ZNF723: variants seen among roughly 807,000 people sequenced by gnomAD.
The protein encoded by ZNF723 is zinc finger protein 723, also known as zinc finger protein 723, pseudogene.
Under a neutral mutation model 9.4 loss-of-function variants are expected in ZNF723, and 5 were observed. The ratio of observed to expected loss-of-function variants is 0.53; its 90% CI spans 0.28 to 1.12. The LOEUF (loss-of-function observed/expected upper bound fraction) is 1.12. ZNF723 is among the 50% of genes most tolerant of loss of function. The pLI, the probability that ZNF723 is intolerant of heterozygous loss-of-function variation, is 0.10. For missense variants in ZNF723, 450 were observed against 501.5 expected, an observed-to-expected ratio of 0.90 and a Z score of 0.98; for synonymous variants, 158 against 168.8, an observed-to-expected ratio of 0.94 and a Z score of 0.49.
chr19:22,833,285 TG>T (rs1967120828), intron 1 of ZNF723, among the ~76,000 whole-genome samples: 1 of 152,092 alleles, frequency 6.6e-6, no homozygotes, highest in Non-Finnish European at 1.5e-5. Flanking sequence ...CTTGAGTAGC[TG>T]GGATTACAGG....
In ZNF723 at chr19:22,858,041, C is replaced by T. The variant is rs959944768; in HGVS notation, c.1150C>T (p.Leu384Phe). 11 of 1,524,964 alleles carry T rather than the reference C, an allele frequency of 7.2e-6. No homozygotes were observed. The highest frequency in any genetic ancestry group is 8.2e-6 in the Non-Finnish European group (9 of 1,100,362). 94.5% of individuals were successfully genotyped at this position (1,524,964 alleles called of 1,614,324 possible). Residue 384 changes from leucine to phenylalanine, a missense_variant, in exon 4 of 4, where the codon CTT becomes TTT. Physicochemically the swap from Leu to Phe is conservative, Grantham distance 22 (BLOSUM62 0). Coordinates refer to ENST00000600766, the MANE Select transcript of ZNF723 (RefSeq NM_001349726.2). ...CAAAGCTTTTAAAGTATCTGTACAC[C>T]TTACTACACATAAGAGAATTCATAC... ...CGKAFKVSVH[L>F]TTHKRIHTGE...
chr19:22,815,808 TGTC>T, the ZNF723 span, among the ~76,000 whole-genome samples: 5,787 of 152,188 alleles, frequency 0.038, 333 homozygotes, highest in African/African-American at 0.13. Context: ...GTACAGAAAA[TGTC>T]ATCACAGGGC....
At chr19:22,826,316 A>G in the ZNF723 span, among the ~76,000 whole-genome samples, 1 of 152,222 alleles carries the variant, frequency 6.6e-6, no homozygotes, top group Admixed American at 6.5e-5. Flanking sequence ...TGCCCGGCTA[A>G]CAGGGATGAA....
At chr19:22,835,379 A>G (rs1385044151) in intron 1 of ZNF723, among the ~76,000 whole-genome samples, 2 of 151,712 alleles carry the variant, frequency 1.3e-5, no homozygotes, top group Admixed American at 1.3e-4. Flanking sequence ...TTGTTTGCTT[A>G]TATTGACTTC....
Position 22,858,622 on chromosome 19 carries a change from C to A in ZNF723, c.*189C>A. 2.4e-6 allele frequency: 1 copy of A among 412,310 alleles called. No homozygotes were observed. The highest frequency in any genetic ancestry group is 4.2e-6 in the Non-Finnish European group (1 of 235,506). 25.5% of individuals were successfully genotyped at this position (412,310 alleles called of 1,614,324 possible). On this transcript the variant is annotated 3_prime_UTR_variant, in exon 4 of 4. Coordinates refer to ENST00000600766, the MANE Select transcript of ZNF723 (RefSeq NM_001349726.2). ...CTACTAAAATACAAAAAAAATTAGC[C>A]GGGTGTAGTGGTGGGCGCCTGTAAT...
chr19:22,818,940 T>C, the ZNF723 span, among the ~76,000 whole-genome samples: 1 of 152,172 alleles, frequency 6.6e-6, no homozygotes, highest in East Asian at 1.9e-4. Flanking sequence ...ACAGAGGGAA[T>C]TGTGACATAT....
intron 1 of ZNF723, among the ~76,000 whole-genome samples, chr19:22,838,746 TTTA>T (rs974254402): frequency 1.3e-5 from 2 of 151,880 alleles, no homozygotes; most frequent in African/African-American, 4.8e-5. Flanking sequence ...TTCTTCTTAT[TTTA>T]TTATTATTAT....
the ZNF723 span, among the ~76,000 whole-genome samples, chr19:22,816,240 AG>A: frequency 6.6e-6 from 1 of 152,232 alleles, no homozygotes; most frequent in Non-Finnish European, 1.5e-5. Context: ...CCAAGCTGAC[AG>A]TAAATATTGT....
intron 3 of ZNF723, among the ~76,000 whole-genome samples, chr19:22,851,527 T>C (rs1372260688): frequency 6.6e-6 from 1 of 152,034 alleles, no homozygotes. Context: ...CATAATGGAC[T>C]CATTTTAGGA....
At chr19:22,832,516 C>A (rs969295056) in intron 1 of ZNF723, 134 bp downstream of exon 1, 1 of 1,005,966 alleles carries the variant, frequency 9.9e-7, no homozygotes, top group African/African-American at 1.6e-5. Flanking sequence ...CCTGGCCCGG[C>A]CTCAGACACC....
the ZNF723 span, among the ~76,000 whole-genome samples, chr19:22,812,891 G>A: frequency 1.6e-3 from 241 of 152,276 alleles, 1 homozygote; most frequent in African/African-American, 5.6e-3. Flanking sequence ...CCTCGTAAAC[G>A]AATCAAGTGC....
At chr19:22,819,761 A>G in the ZNF723 span, among the ~76,000 whole-genome samples, 1 of 152,178 alleles carries the variant, frequency 6.6e-6, no homozygotes, top group African/African-American at 2.4e-5. Context: ...TGAACCCACC[A>G]TCTAGGTGAT....
the ZNF723 span, among the ~76,000 whole-genome samples, chr19:22,813,120 C>A: frequency 6.6e-6 from 1 of 152,026 alleles, no homozygotes; most frequent in Non-Finnish European, 1.5e-5. Context: ...ATTACAGGCA[C>A]CCGCCACCAT....
intron 1 of ZNF723, among the ~76,000 whole-genome samples, chr19:22,833,905 C>G (rs1339030386): frequency 1.3e-5 from 2 of 149,628 alleles, no homozygotes; most frequent in African/African-American, 4.9e-5. Context: ...CGCGCCCGGC[C>G]GCTATTTGTT....
chr19:22,858,471 A>G lies in ZNF723; in HGVS notation c.*38A>G. On this transcript the variant is annotated 3_prime_UTR_variant, in exon 4 of 4. Coordinates refer to ENST00000600766, the MANE Select transcript of ZNF723 (RefSeq NM_001349726.2). ...TGAAATCCCAAACTTTTTTAAACATAAAAGAAATGCTGGTGGCCAGGCACA... is the reference window on the plus strand; with the variant it reads ...TGAAATCCCAAACTTTTTTAAACATGAAAGAAATGCTGGTGGCCAGGCACA... 3.2e-6 allele frequency: 2 copies of G among 631,324 alleles called. No homozygotes were observed. The highest frequency in any genetic ancestry group is 2.7e-6 in the Non-Finnish European group (1 of 366,836). The allele number at this position is 631,324 out of a possible 1,614,324, so 39.1% of individuals were successfully genotyped here. A position where few individuals can be genotyped will look rare whatever the true frequency, so the allele number is the denominator to read the frequency against.
the ZNF723 span, among the ~76,000 whole-genome samples, chr19:22,825,079 T>C: frequency 2.0e-5 from 3 of 152,152 alleles, no homozygotes; most frequent in African/African-American, 7.2e-5. Context: ...AATGTAAAAG[T>C]TGTCACCCTC....
upstream of ZNF723, among the ~76,000 whole-genome samples, chr19:22,828,599 G>T (rs1423766555): frequency 6.6e-6 from 1 of 152,148 alleles, no homozygotes; most frequent in Non-Finnish European, 1.5e-5. Flanking sequence ...GTTGCTGTGA[G>T]CTGAGATTGT....
chr19:22,812,801 T>C, the ZNF723 span, among the ~76,000 whole-genome samples: 3 of 152,284 alleles, frequency 2.0e-5, no homozygotes, highest in East Asian at 5.8e-4. Context: ...GGTGGGTTGG[T>C]GATGCTCAGA....
At position 22,849,253 on chromosome 19, in the gene ZNF723, C is replaced by T; in HGVS notation, c.186C>T (p.Pro62=). ...LITCLEQGKE[P]WNMKRHKMVA... ...CCTGTCTGGAGCAAGGAAAAGAGCC[C>T]TGGAATATGAAGAGACACAAGATGG... Residue 62 remains proline (P), a synonymous_variant, in exon 3 of 4, where the codon CCC becomes CCT. Transcript: ENST00000600766. The T allele has an allele frequency of 1.5e-6, 1 of 652,862 alleles. No homozygotes were observed. Among genetic ancestry groups the T allele is most frequent in the Non-Finnish European group, 2.8e-6 (1 of 356,770 alleles). 40.4% of individuals were successfully genotyped at this position (652,862 alleles called of 1,614,324 possible). A position where few individuals can be genotyped will look rare whatever the true frequency, so the allele number is the denominator to read the frequency against.
Sources: gnomAD v4.1 joint callset for allele counts (sites outside exome capture counted in the v4.1 genomes callset) on GRCh38, gnomAD v4.1.1 for gene constraint, MANE v1.5 for transcripts, NCBI Gene and HGNC (gene_info 2026-07-23, HGNC 2026-07-21) for gene names.